The following SYNE2 variants were observed in gnomAD, a reference collection of about 807,000 sequenced individuals.
SYNE2 encodes nesprin-2.
In SYNE2, 431 loss-of-function variants were observed where a neutral mutation model predicts 856.3. The ratio of observed to expected loss-of-function variants is 0.50; its 90% CI spans 0.47 to 0.55. The LOEUF (loss-of-function observed/expected upper bound fraction) is 0.55. SYNE2 is among the 20% of genes least tolerant of loss of function. The probability of loss-of-function intolerance (pLI) is 0.00; values close to 1 mark genes in which losing one functional copy is unlikely to be tolerated. For synonymous variants in SYNE2, 2,923 were observed against 2,872.3 expected, an observed-to-expected ratio of 1.02 and a Z score of -0.56; for missense variants, 8,129 against 8,023.2, an observed-to-expected ratio of 1.01 and a Z score of -0.50.
chr14:63,862,999 T>C (rs1191803224), intron 1 of SYNE2, among the ~76,000 whole-genome samples: 1 of 152,090 alleles, frequency 6.6e-6, no homozygotes. Context: ...AATTTCACCA[T>C]GTTGGCCAGG....
intron 11 of SYNE2, among the ~76,000 whole-genome samples, chr14:63,968,211 G>A (rs1351495493): frequency 6.6e-6 from 1 of 152,042 alleles, no homozygotes; most frequent in Non-Finnish European, 1.5e-5. Context: ...TTTGGATGAG[G>A]GCTTTATTTT....
rs1851257006 is a variant in SYNE2, at chr14:64,223,172, ACTTTAT to A, written c.20191-14_20191-9del. ...CTTTGGACAGGTCACTGTTTCACAC[ACTTTAT>A]CTGTTTTCAGCAACTGGAAAAGGAG... On this transcript the variant is annotated splice_polypyrimidine_tract_variant and intron_variant, in intron 112 of 115. Transcript: ENST00000555002. 1 of 1,612,948 alleles carries A rather than the reference ACTTTAT, an allele frequency of 6.2e-7. No individual in the cohort carries two copies. The highest frequency in any genetic ancestry group is 8.5e-7 in the Non-Finnish European group (1 of 1,179,592).
At position 63,803,170 on chromosome 14, in the gene SYNE2, C is replaced by T. The variant is rs111623839; in HGVS notation, c.-305+41184C>T. 8.8e-4 allele frequency among the ~76,000 whole-genome samples: 134 copies of T among 152,356 alleles called. 1 individual carries two copies. Among genetic ancestry groups the T allele is most frequent in the African/African-American group, 3.0e-3 (125 of 41,594 alleles). ...CGCTAGATACTAAGGTTCTCCACCT[C>T]CCCACCAGACTCAGGACCCCAGCTG... On this transcript the variant is annotated intron_variant, in intron 1 of 23. Transcript: ENST00000674003.
At chr14:64,022,891 A>T (rs2096946979) in intron 38 of SYNE2, 28 bp downstream of exon 38, 1 of 1,238,652 alleles carries the variant, frequency 8.1e-7, no homozygotes, top group South Asian at 1.3e-5. Context: ...ATTTTTAATA[A>T]AAATTTTCAA....
chr14:64,190,124 G>C lies in SYNE2; in HGVS notation c.17925G>C (p.Gln5975His), dbSNP rs1464826821. The change falls in exon 99 of 116, where the codon CAG becomes CAC. Residue 5975 changes from glutamine to histidine, a missense_variant. By Grantham distance (24) the Gln-to-His change is conservative. Transcript: ENST00000555002. ...LFSENKLQLK[Q>H]MGDQLIKASN... ...GTGAAAACAAGTTACAGTTAAAGCA[G>C]ATGGGTGACCAGTTGATCAAGGCCA... The C allele has an allele frequency of 1.9e-6, 3 of 1,614,068 alleles. No individual in the cohort carries two copies. The highest frequency in any genetic ancestry group is 2.5e-6 in the Non-Finnish European group (3 of 1,180,044).
At position 64,056,272 on chromosome 14, in the gene SYNE2, T is replaced by C. The variant is rs1386610286; in HGVS notation, c.10067+6T>C. ...CAGGAAACTGAGGCAGAAAGGTAGG[T>C]CCTCTTCCAAAGGTAATCTTTAAGA... is the stretch of plus-strand genomic sequence containing the variant. On this transcript the variant is annotated splice_donor_region_variant and intron_variant, in intron 49 of 115. Coordinates refer to ENST00000555002, the MANE Select transcript of SYNE2 (RefSeq NM_182914.3). 6 of 1,611,800 alleles carry C rather than the reference T, an allele frequency of 3.7e-6. No homozygotes were observed. In the African/African-American group the frequency reaches 6.7e-5, roughly 18 times the overall value.
In SYNE2 at chr14:63,999,031, A is replaced by T. The variant is rs929869835; in HGVS notation, c.3471A>T (p.Thr1157=). 1.2e-6 allele frequency: 2 copies of T among 1,613,594 alleles called. No individual in the cohort carries two copies. The highest frequency in any genetic ancestry group is 2.7e-5 in the African/African-American group (2 of 74,920). The stretch of plus-strand genomic sequence containing the variant: ...GTTCTTGTCTGCAGGCTAAACTGAC[A>T]GATCTACAGGTAATTACCAAAAATA... ...RSSSCLQAKL[T]DLQVIKNETD... The change falls in exon 27 of 116, where the codon ACA becomes ACT. Residue 1157 remains threonine, a synonymous_variant. Transcript: ENST00000555002.
intron 1 of SYNE2, among the ~76,000 whole-genome samples, chr14:63,772,667 C>T (rs1021253285): frequency 1.3e-5 from 2 of 151,602 alleles, no homozygotes; most frequent in African/African-American, 2.4e-5. Flanking sequence ...CACTTGAACC[C>T]GGGAGACAGA....
Position 64,225,438 on chromosome 14 carries a change from A to C in SYNE2, c.20636A>C (p.Glu6879Ala), listed in dbSNP as rs757149542. The change falls in exon 116 of 116, where the codon GAA (glutamate) becomes GCA (alanine). Residue 6879 changes from glutamate to alanine, a missense_variant. By Grantham distance (107) the Glu-to-Ala change is moderately radical. Coordinates refer to ENST00000555002, the MANE Select transcript of SYNE2 (RefSeq NM_182914.3). ...LLLACLLPSS[E>A]EDYSCTQANN... ...CTGGCCTGCCTGCTGCCCTCCTCCG[A>C]AGAAGACTACAGCTGCACTCAGGCC... The C allele has an allele frequency of 1.9e-6, 3 of 1,612,920 alleles. No individual in the cohort carries two copies. Among genetic ancestry groups the C allele is most frequent in the African/African-American group, 2.7e-5 (2 of 74,880 alleles).
intron 49 of SYNE2, among the ~76,000 whole-genome samples, chr14:64,057,311 C>T (rs2097279882): frequency 6.6e-6 from 1 of 152,144 alleles, no homozygotes; most frequent in Non-Finnish European, 1.5e-5. Context: ...CTACTACTCT[C>T]TATGTTCATG....
chr14:63,989,072 A>G (rs1016306602), intron 19 of SYNE2, among the ~76,000 whole-genome samples: 1 of 152,218 alleles, frequency 6.6e-6, no homozygotes, highest in Non-Finnish European at 1.5e-5. Flanking sequence ...TTGAACTATC[A>G]TATTTATTAG....
chr14:63,854,452 C>T (rs1266827199), intron 1 of SYNE2, among the ~76,000 whole-genome samples: 1 of 152,156 alleles, frequency 6.6e-6, no homozygotes, highest in East Asian at 1.9e-4. Context: ...TCCAAGTTGT[C>T]TTTCTGGAAA....
chr14:64,013,323 A>ATTTTTTTTTTTTTTTTTTTTTTTTTT (rs57074861), intron 32 of SYNE2, among the ~76,000 whole-genome samples: 1 of 136,280 alleles, frequency 7.3e-6, no homozygotes, highest in Non-Finnish European at 1.6e-5. Context: ...TCCTCATTAA[A>ATTTTTTTTTTTTTTTTTTTTTTTTTT]TTTTTTTTTT....
chr14:64,056,389 A>T, intron 49 of SYNE2, 123 bp downstream of exon 49: 1 of 798,746 alleles, frequency 1.3e-6, no homozygotes. Flanking sequence ...ATTAACACCT[A>T]TGCATTAGAG....
intron 45 of SYNE2, among the ~76,000 whole-genome samples, chr14:64,037,102 G>A (rs1311923514): frequency 6.6e-6 from 1 of 152,018 alleles, no homozygotes; most frequent in Non-Finnish European, 1.5e-5. Flanking sequence ...GCTGGGTGTG[G>A]GGAGCATTTT....
intron 109 of SYNE2, among the ~76,000 whole-genome samples, chr14:64,218,937 G>T (rs933611927): frequency 6.6e-6 from 1 of 152,122 alleles, no homozygotes; most frequent in Admixed American, 6.5e-5. Flanking sequence ...AAAAAATTCA[G>T]CAGGAACTGA....
At chr14:63,839,513 T>C (rs1257336719) in intron 1 of SYNE2, among the ~76,000 whole-genome samples, 1 of 152,164 alleles carries the variant, frequency 6.6e-6, no homozygotes, top group Non-Finnish European at 1.5e-5. Context: ...TTTATTTTTT[T>C]GTACTGATTT....
chr14:64,134,327 G>A (rs1595748947), intron 78 of SYNE2, 127 bp downstream of exon 78: 2 of 1,002,398 alleles, frequency 2.0e-6, no homozygotes, highest in African/African-American at 1.6e-5. Flanking sequence ...ACAACTCACT[G>A]TTGAATGTAT....
intron 11 of SYNE2, among the ~76,000 whole-genome samples, chr14:63,968,555 A>G (rs752839560): frequency 6.6e-6 from 1 of 152,198 alleles, no homozygotes; most frequent in Non-Finnish European, 1.5e-5. Context: ...ATATATCTGT[A>G]TAATTTCAGT....
Sources: allele counts gnomAD v4.1 joint callset (sites outside exome capture counted in the v4.1 genomes callset), GRCh38; gene constraint gnomAD v4.1.1; transcripts MANE v1.5; gene names NCBI Gene and HGNC (gene_info 2026-07-23, HGNC 2026-07-21).